Variants in RABGAP1 observed in about 807,000 individuals in gnomAD.
RABGAP1 encodes rab GTPase-activating protein 1.
Under a neutral mutation model 137.6 loss-of-function variants are expected in RABGAP1, and 23 were observed. The observed-to-expected ratio is 0.17, with a 90% CI of 0.12 to 0.24. The LOEUF (loss-of-function observed/expected upper bound fraction) is 0.24, where lower values mean the gene tolerates loss of function less well. Ranked by LOEUF, RABGAP1 falls within the 10% of genes least tolerant of loss-of-function variation. RABGAP1 has a pLI of 1.00. For synonymous variants in RABGAP1, 451 were observed against 450.7 expected (o/e 1.00, Z -0.01); for missense variants, 906 against 1,275.8 (o/e 0.71, Z 4.42).
chr9:122,954,246 A>G (rs1217972869), intron 1 of RABGAP1, among the ~76,000 whole-genome samples: 1 of 152,196 alleles, frequency 6.6e-6, no homozygotes, highest in Non-Finnish European at 1.5e-5. Context: ...TGTGGAGGCC[A>G]GGGAATGGGT....
At chr9:122,983,837 G>C (rs928354301) in intron 2 of RABGAP1, among the ~76,000 whole-genome samples, 4 of 152,128 alleles carry the variant, frequency 2.6e-5, no homozygotes, top group African/African-American at 9.7e-5. Flanking sequence ...TCCTTGTTGA[G>C]GAACTAGTAA....
chr9:123,006,041 G>A (rs2131855354), intron 10 of RABGAP1, among the ~76,000 whole-genome samples: 1 of 152,118 alleles, frequency 6.6e-6, no homozygotes, highest in South Asian at 2.1e-4. Context: ...TTTTCTCTTT[G>A]ACTTTGGTCT....
intron 13 of RABGAP1, among the ~76,000 whole-genome samples, chr9:123,026,131 C>T (rs2031953797): frequency 6.6e-6 from 1 of 151,622 alleles, no homozygotes; most frequent in Admixed American, 6.6e-5. Context: ...TGAGACCAGC[C>T]TGGGGAACAT....
At chr9:122,994,057 T>C (rs1223598807) in intron 6 of RABGAP1, among the ~76,000 whole-genome samples, 2 of 152,200 alleles carry the variant, frequency 1.3e-5, no homozygotes, top group Admixed American at 1.3e-4. Flanking sequence ...AATTGGGTAG[T>C]TTATACTGTG....
intron 2 of RABGAP1, among the ~76,000 whole-genome samples, chr9:122,973,313 C>T (rs2131694282): frequency 6.6e-6 from 1 of 152,304 alleles, no homozygotes. Flanking sequence ...TCCCTGCTCA[C>T]TGCAAGCTCC....
At chr9:123,024,569 A>C (rs1381911054) in intron 13 of RABGAP1, among the ~76,000 whole-genome samples, 1 of 151,930 alleles carries the variant, frequency 6.6e-6, no homozygotes, top group Non-Finnish European at 1.5e-5. Context: ...CCTCCTGAGT[A>C]GCTGGGATTA....
chr9:122,990,924 A>G (rs1485249685), intron 6 of RABGAP1, among the ~76,000 whole-genome samples: 1 of 146,482 alleles, frequency 6.8e-6, no homozygotes, highest in Non-Finnish European at 1.5e-5. Context: ...ACTTATATTA[A>G]TAATCTAAAA....
intron 2 of RABGAP1, among the ~76,000 whole-genome samples, chr9:122,975,833 A>G (rs1835734859): frequency 6.6e-6 from 1 of 152,232 alleles, no homozygotes; most frequent in South Asian, 2.1e-4. Flanking sequence ...TGAGATAGAT[A>G]TTAACATCCT....
At chr9:123,034,408 C>G in intron 13 of RABGAP1, 1 of 617,224 alleles carries the variant, frequency 1.6e-6, no homozygotes, top group South Asian at 2.0e-5. Context: ...GCACTGCAGG[C>G]AATGCACCAG....
intron 19 of RABGAP1, among the ~76,000 whole-genome samples, chr9:123,077,158 G>GTTTTT (rs962119227): frequency 5.4e-5 from 5 of 92,150 alleles, no homozygotes; most frequent in Middle Eastern, 9.1e-3. Flanking sequence ...CTGGTTTTTT[G>GTTTTT]TTTTTGTTTT....
At chr9:123,029,632 C>T in intron 13 of RABGAP1, 1 of 725,628 alleles carries the variant, frequency 1.4e-6, no homozygotes, top group Non-Finnish European at 2.6e-6. Context: ...GAGCTTGTCC[C>T]TAACTTTGCC....
intron 9 of RABGAP1, 65 bp from the exon 10 acceptor site, chr9:122,998,532 A>G: frequency 2.4e-6 from 3 of 1,230,912 alleles, no homozygotes; most frequent in African/African-American, 1.5e-5. Flanking sequence ...CTTTTATGGA[A>G]TCTTATGAGC....
intron 6 of RABGAP1, among the ~76,000 whole-genome samples, chr9:122,991,050 T>C (rs1206377230): frequency 6.6e-6 from 1 of 151,446 alleles, no homozygotes; most frequent in East Asian, 1.9e-4. Flanking sequence ...AGTGACTGAT[T>C]TTAATTTTTA....
the RABGAP1 span, among the ~76,000 whole-genome samples, chr9:122,934,397 T>A: frequency 2.6e-5 from 4 of 152,214 alleles, no homozygotes; most frequent in Non-Finnish European, 1.5e-5. Context: ...TTATTTTCAA[T>A]CTATTTGTGT....
intron 10 of RABGAP1, among the ~76,000 whole-genome samples, chr9:123,001,496 G>A (rs576309340): frequency 3.9e-5 from 6 of 152,284 alleles, no homozygotes; most frequent in African/African-American, 1.4e-4. Flanking sequence ...TTAGAAAAAG[G>A]AAATAAGCAG....
intron 19 of RABGAP1, among the ~76,000 whole-genome samples, chr9:123,078,676 A>C (rs1211373704): frequency 6.6e-6 from 1 of 152,174 alleles, no homozygotes; most frequent in South Asian, 2.1e-4. Context: ...CTTTGCCTCC[A>C]AAATCCCCTT....
intron 25 of RABGAP1, among the ~76,000 whole-genome samples, chr9:123,102,410 C>T (rs146305508): frequency 2.5e-3 from 386 of 152,272 alleles, no homozygotes; most frequent in African/African-American, 7.9e-3. Context: ...CTGATTCTCC[C>T]TCATGGCACA....
chr9:122,952,715 G>C (rs1380079043), intron 1 of RABGAP1, among the ~76,000 whole-genome samples: 1 of 152,054 alleles, frequency 6.6e-6, no homozygotes, highest in African/African-American at 2.4e-5. Flanking sequence ...CAGCCTGGGC[G>C]ACAGAGCAAG....
chr9:123,015,198 GAC>G (rs915351068), intron 11 of RABGAP1, among the ~76,000 whole-genome samples: 1 of 151,186 alleles, frequency 6.6e-6, no homozygotes, highest in Admixed American at 6.6e-5. Context: ...TTTTAAATAA[GAC>G]ATATATTTTC....
Sources: gnomAD v4.1 joint callset for allele counts (sites outside exome capture counted in the v4.1 genomes callset) on GRCh38, gnomAD v4.1.1 for gene constraint, MANE v1.5 for transcripts, NCBI Gene and HGNC (gene_info 2026-07-23, HGNC 2026-07-21) for gene names.